ITGA9: variants seen among roughly 807,000 people sequenced by gnomAD.
ITGA9 encodes integrin subunit alpha 9, also known as integrin alpha-9.
Under a neutral mutation model 127.8 loss-of-function variants are expected in ITGA9, and 56 were observed. The observed-to-expected ratio is 0.44, with a 90% confidence interval of 0.35 to 0.55. The LOEUF (loss-of-function observed/expected upper bound fraction) is 0.55, where lower values mean the gene tolerates loss of function less well. Among genes scored for constraint, ITGA9 ranks in the 20% least tolerant of loss-of-function variants. ITGA9 has a pLI of 0.00. For missense variants in ITGA9, 1,196 were observed against 1,347.1 expected (o/e 0.89, Z 1.76); for synonymous variants, 508 against 514.5 (o/e 0.99, Z 0.17).
rs114717271 is a variant in ITGA9, at chr3:37,496,762, A to G, written c.612+2194A>G. On this transcript the variant is annotated intron_variant, in intron 5 of 27. Transcript: ENST00000264741. ...GCTCATCTCCTACCTCACCCACTAC[A>G]TGGTATTTTCAGCTGCTGCTAGGAC... is the stretch of plus-strand genomic sequence containing the variant. Among the ~76,000 whole-genome samples the G allele has an allele frequency of 8.8e-3, 1,332 of 152,048 alleles. 14 individuals carry two copies. The highest frequency in any genetic ancestry group is 0.03 in the African/African-American group (1,243 of 41,476).
chr3:37,508,137 C>T (rs1233836164), intron 7 of ITGA9, among the ~76,000 whole-genome samples: 2 of 152,170 alleles, frequency 1.3e-5, no homozygotes, highest in South Asian at 4.1e-4. Flanking sequence ...TCCACCTATC[C>T]CTTTATCTTC....
At chr3:37,600,639 G>A (rs1001382668) in intron 15 of ITGA9, among the ~76,000 whole-genome samples, 38 of 152,118 alleles carry the variant, frequency 2.5e-4, no homozygotes, top group African/African-American at 6.8e-4. Flanking sequence ...AAGCCCTTAC[G>A]GATGCCTCCC....
chr3:37,618,375 C>G (rs994889302), intron 15 of ITGA9, among the ~76,000 whole-genome samples: 1 of 152,200 alleles, frequency 6.6e-6, no homozygotes, highest in Non-Finnish European at 1.5e-5. Context: ...TGCCCCTACT[C>G]GGGGATGCCT....
chr3:37,677,868 G>A (rs1306556822), intron 17 of ITGA9, among the ~76,000 whole-genome samples: 1 of 152,196 alleles, frequency 6.6e-6, no homozygotes, highest in Non-Finnish European at 1.5e-5. Context: ...TGTATGATTT[G>A]CATCATTGAT....
intron 18 of ITGA9, among the ~76,000 whole-genome samples, chr3:37,715,987 C>T (rs2125681027): frequency 6.6e-6 from 1 of 152,240 alleles, no homozygotes; most frequent in South Asian, 2.1e-4. Flanking sequence ...GGAAGGAGGC[C>T]AAACAAGGAT....
At chr3:37,507,369 T>TG (rs1413485807) in intron 7 of ITGA9, among the ~76,000 whole-genome samples, 2 of 152,194 alleles carry the variant, frequency 1.3e-5, no homozygotes, top group Non-Finnish European at 2.9e-5. Flanking sequence ...TTCACAGTGA[T>TG]GCGGGTGCCT....
At chr3:37,682,046 C>G (rs1364171595) in intron 17 of ITGA9, among the ~76,000 whole-genome samples, 1 of 152,164 alleles carries the variant, frequency 6.6e-6, no homozygotes, top group African/African-American at 2.4e-5. Flanking sequence ...TAATTGTTGC[C>G]TCTCTAATGG....
intron 17 of ITGA9, among the ~76,000 whole-genome samples, chr3:37,673,025 G>A (rs997444442): frequency 1.3e-5 from 2 of 151,854 alleles, no homozygotes; most frequent in African/African-American, 4.8e-5. Flanking sequence ...TTTCACAGCA[G>A]TGAAAATTGA....
At chr3:37,568,791 T>C (rs1210257571) in intron 15 of ITGA9, among the ~76,000 whole-genome samples, 2 of 152,210 alleles carry the variant, frequency 1.3e-5, no homozygotes, top group Admixed American at 6.5e-5. Context: ...GATTTCGTTG[T>C]CCCTATTATT....
intron 4 of ITGA9, among the ~76,000 whole-genome samples, chr3:37,492,261 G>C (rs1186992322): frequency 6.6e-6 from 1 of 152,218 alleles, no homozygotes; most frequent in African/African-American, 2.4e-5. Flanking sequence ...TGAGAAGGCA[G>C]CTTAGACTTT....
intron 27 of ITGA9, chr3:37,807,896 G>A (rs1697317949): frequency 6.6e-6 from 1 of 152,214 alleles, no homozygotes; most frequent in South Asian, 2.1e-4. Context: ...TTCAGACAAA[G>A]GATGGGTGCC....
At chr3:37,773,762 G>A (rs989083519) in intron 23 of ITGA9, among the ~76,000 whole-genome samples, 2 of 152,120 alleles carry the variant, frequency 1.3e-5, no homozygotes, top group Non-Finnish European at 2.9e-5. Flanking sequence ...TCATCAAACT[G>A]CACCCTTTAG....
In ITGA9 at chr3:37,512,124, CTTTTCTTTTCTTTT is replaced by C. The variant is rs1698930196; in HGVS notation, c.898-1638_898-1625del. Among the ~76,000 whole-genome samples the C allele has an allele frequency of 1.3e-4, 2 of 15,314 alleles. 1 individual carries two copies. The highest frequency in any genetic ancestry group is 4.6e-4 in the African/African-American group (2 of 4,326). The allele number at this position is 15,314 out of a possible 152,430, so 10.0% of individuals were successfully genotyped here. ...TCCTTCCTTCCTTCCTTCCTTCTTTCTTTTCTTTTCTTTTCTTTTCTTTTCTTTTCTTTTCTTTT... is the reference window on the plus strand; with the variant it reads ...TCCTTCCTTCCTTCCTTCCTTCTTTCCTTTTCTTTTCTTTTCTTTTCTTTT... On this transcript the variant is annotated intron_variant, in intron 8 of 27. Transcript: ENST00000264741.
chr3:37,641,536 G>T lies in ITGA9; in HGVS notation c.1840-12178G>T, dbSNP rs1343805283. ...TCGGGAGCCAGCCGCACCACCATGAGCCCAGATAGCATGAGTCCCTTCTCT... is the reference window on the plus strand; with the variant it reads ...TCGGGAGCCAGCCGCACCACCATGATCCCAGATAGCATGAGTCCCTTCTCT... On this transcript the variant is annotated intron_variant, in intron 16 of 27. Coordinates refer to ENST00000264741, the MANE Select transcript of ITGA9 (RefSeq NM_002207.3). Among the ~76,000 whole-genome samples the T allele has an allele frequency of 2.0e-5, 3 of 152,042 alleles. No homozygotes were observed. The East Asian group carries it at 5.8e-4, about 30-fold the overall frequency.
intron 17 of ITGA9, among the ~76,000 whole-genome samples, chr3:37,677,248 C>G (rs989868770): frequency 5.3e-5 from 8 of 152,136 alleles, no homozygotes; most frequent in African/African-American, 1.7e-4. Flanking sequence ...GTATTTTTTG[C>G]TCATATCTCT....
rs75527698 is a variant in ITGA9, at chr3:37,466,100, C to T, written c.186-4907C>T. On this transcript the variant is annotated intron_variant, in intron 1 of 27. Coordinates refer to ENST00000264741, the MANE Select transcript of ITGA9 (RefSeq NM_002207.3). ...AAATTTGATCCTGCCCGCAATGAGCCTAACCCAGCACCTGCACACTCTATG... is the reference window on the plus strand; with the variant it reads ...AAATTTGATCCTGCCCGCAATGAGCTTAACCCAGCACCTGCACACTCTATG... Among the ~76,000 whole-genome samples the T allele has an allele frequency of 8.0e-3, 1,223 of 152,190 alleles. 20 individuals carry two copies. Among genetic ancestry groups the T allele is most frequent in the African/African-American group, 0.028 (1,144 of 41,522 alleles).
At chr3:37,773,842 ACTAT>A (rs535929593) in intron 23 of ITGA9, among the ~76,000 whole-genome samples, 14 of 152,212 alleles carry the variant, frequency 9.2e-5, no homozygotes, top group Admixed American at 3.9e-4. Context: ...GAAATAATCA[ACTAT>A]CTGTGTATAA....
intron 10 of ITGA9, among the ~76,000 whole-genome samples, chr3:37,518,090 ACG>A (rs906898513): frequency 2.0e-5 from 1 of 50,996 alleles, no homozygotes; most frequent in Non-Finnish European, 4.5e-5. Context: ...TTGAGAGTGT[ACG>A]CGTGTGTGTG....
intron 17 of ITGA9, among the ~76,000 whole-genome samples, chr3:37,660,859 CCT>C (rs1353780963): frequency 6.6e-6 from 1 of 152,194 alleles, no homozygotes; most frequent in African/African-American, 2.4e-5. Context: ...AGCTCTACTC[CCT>C]GTGTCTTTCA....
Sources: allele counts gnomAD v4.1 joint callset (sites outside exome capture counted in the v4.1 genomes callset), GRCh38; gene constraint gnomAD v4.1.1; transcripts MANE v1.5; gene names NCBI Gene and HGNC (gene_info 2026-07-23, HGNC 2026-07-21).